MAP3K5: variants seen among roughly 807,000 people sequenced by gnomAD.
MAP3K5 encodes mitogen-activated protein kinase kinase kinase 5, also known as ASK-1.
Under a neutral mutation model 158.7 loss-of-function variants are expected in MAP3K5, and 56 were observed. The observed-to-expected ratio is 0.35, with a 90% CI of 0.28 to 0.44. The LOEUF is 0.44. Among genes scored for constraint, MAP3K5 ranks in the 20% least tolerant of loss-of-function variants. The pLI, the probability that MAP3K5 is intolerant of heterozygous loss-of-function variation, is 1.00. For synonymous variants in MAP3K5, 579 were observed against 601.7 expected (o/e 0.96, Z 0.55); for missense variants, 1,294 against 1,674.8 (o/e 0.77, Z 3.97).
chr6:136,652,975 T>C (rs1247326445), intron 10 of MAP3K5, among the ~76,000 whole-genome samples: 1 of 152,258 alleles, frequency 6.6e-6, no homozygotes, highest in Non-Finnish European at 1.5e-5. Context: ...TGAGTTTATA[T>C]ATTCTTGCTT....
intron 15 of MAP3K5, among the ~76,000 whole-genome samples, chr6:136,615,510 A>G (rs1776523817): frequency 6.6e-6 from 1 of 152,146 alleles, no homozygotes; most frequent in South Asian, 2.1e-4. Context: ...CTGATTTTTC[A>G]GAAGGTCAGA....
intron 2 of MAP3K5, among the ~76,000 whole-genome samples, chr6:136,716,079 G>GTATC (rs1281436954): frequency 7.9e-6 from 1 of 127,092 alleles, no homozygotes; most frequent in African/African-American, 2.9e-5. Flanking sequence ...ACAGCTGAAG[G>GTATC]TATCTATTAA....
At position 136,561,558 on chromosome 6, in the gene MAP3K5, C is replaced by G. The variant is rs1342321301; in HGVS notation, c.3962G>C (p.Gly1321Ala). 6.2e-7 allele frequency: 1 copy of G among 1,613,186 alleles called. No individual in the cohort carries two copies. Among genetic ancestry groups the G allele is most frequent in the Non-Finnish European group, 8.5e-7 (1 of 1,179,240 alleles). Residue 1321 changes from glycine to alanine, a missense_variant, in exon 28 of 30, where the codon GGA (glycine) becomes GCA (alanine). Gly to Ala is a moderately conservative substitution (Grantham distance 60). Around this residue, in one of 5 missense-constraint regions of MAP3K5, gnomAD observed 199 missense variants for 220.3 expected, o/e 0.90. Coordinates refer to ENST00000359015, the MANE Select transcript of MAP3K5 (RefSeq NM_005923.4). ...SELTDWLRVN[G>A]ADEDTISRFL... ...CCGGCTTATAGTGTCTTCATCAGCT[C>G]CATTCACTCTCAGCCAGTCGGTAAG...
chr6:136,559,211 G>A (rs574824037), intron 28 of MAP3K5, among the ~76,000 whole-genome samples: 1 of 152,262 alleles, frequency 6.6e-6, no homozygotes, highest in South Asian at 2.1e-4. Context: ...AATTAGCTGG[G>A]CGTGGTGGCG....
chr6:136,699,920 C>G (rs1053599927), intron 3 of MAP3K5, among the ~76,000 whole-genome samples: 6 of 152,072 alleles, frequency 3.9e-5, no homozygotes, highest in East Asian at 1.9e-4. Context: ...ATGGTGAAAC[C>G]CCGTCTCTAC....
chr6:136,785,382 G>T (rs539460215), intron 1 of MAP3K5, among the ~76,000 whole-genome samples: 1 of 152,194 alleles, frequency 6.6e-6, no homozygotes, highest in Non-Finnish European at 1.5e-5. Context: ...TAACTAGCAT[G>T]TGCTTCCTTC....
intron 11 of MAP3K5, among the ~76,000 whole-genome samples, chr6:136,644,442 C>A (rs993374960): frequency 6.6e-6 from 1 of 152,162 alleles, no homozygotes; most frequent in African/African-American, 2.4e-5. Context: ...ATAATTAGCC[C>A]CAACAGGCCT....
At chr6:136,588,227 C>CT (rs1775224274) in intron 23 of MAP3K5, among the ~76,000 whole-genome samples, 2 of 152,284 alleles carry the variant, frequency 1.3e-5, no homozygotes, top group South Asian at 4.1e-4. Context: ...CACCATCGGG[C>CT]CTACCAGCGA....
At position 136,557,644 on chromosome 6, in the gene MAP3K5, T is replaced by A; in HGVS notation, c.*114A>T. Reference sequence around the variant, plus strand: ...TTTTTTTTTAACATGAGTAAACAAATACTGGATTTAAAGTGCAGCGCCTTT... The same window carrying A: ...TTTTTTTTTAACATGAGTAAACAAAAACTGGATTTAAAGTGCAGCGCCTTT... On this transcript the variant is annotated 3_prime_UTR_variant, in exon 30 of 30. Coordinates refer to ENST00000359015, the MANE Select transcript of MAP3K5 (RefSeq NM_005923.4). 1.6e-6 allele frequency: 1 copy of A among 620,236 alleles called. No individual in the cohort carries two copies. Among genetic ancestry groups the A allele is most frequent in the Non-Finnish European group, 2.9e-6 (1 of 350,342 alleles). The allele number at this position is 620,236 out of a possible 1,614,324, so 38.4% of individuals were successfully genotyped here. A position where few individuals can be genotyped will look rare whatever the true frequency, so the allele number is the denominator to read the frequency against.
chr6:136,596,982 G>C (rs149481968), intron 21 of MAP3K5, among the ~76,000 whole-genome samples: 97 of 152,302 alleles, frequency 6.4e-4, no homozygotes, highest in African/African-American at 2.3e-3. Context: ...GGCTGCAAGA[G>C]AGGAGCCTGG....
intron 1 of MAP3K5, among the ~76,000 whole-genome samples, chr6:136,744,011 G>A (rs1582626520): frequency 1.3e-5 from 2 of 152,320 alleles, no homozygotes; most frequent in African/African-American, 4.8e-5. Context: ...GGGTTGTGAG[G>A]AGGGATGAAT....
At chr6:136,635,752 G>C (rs1215317701) in intron 14 of MAP3K5, among the ~76,000 whole-genome samples, 1 of 113,388 alleles carries the variant, frequency 8.8e-6, no homozygotes. Flanking sequence ...AAAAAAAAAA[G>C]TTAGCCAGGT....
Position 136,694,164 on chromosome 6 carries a change from TC to T in MAP3K5, c.1228del (p.Glu410LysfsTer48). ...CCAAGAAGCTCCATGGTCTCTGCTTTCAGTGTCCGTGAAATTAGAGTCCAAA... is the reference window on the plus strand; with the variant it reads ...CCAAGAAGCTCCATGGTCTCTGCTTTAGTGTCCGTGAAATTAGAGTCCAAA... ...MFLDSNFTDTESRDHGASWFK... is the reference protein window; with the variant it reads ...MFLDSNFTDTXSRDHGASWFK... On this transcript the variant is annotated frameshift_variant, in exon 7 of 30. Transcript: ENST00000359015. LOFTEE classifies it high-confidence loss of function. 6.2e-7 allele frequency: 1 copy of T among 1,613,558 alleles called. No individual in the cohort carries two copies. Among genetic ancestry groups the T allele is most frequent in the Non-Finnish European group, 8.5e-7 (1 of 1,179,820 alleles).
chr6:136,770,810 C>G (rs941928157), intron 1 of MAP3K5, among the ~76,000 whole-genome samples: 1 of 151,950 alleles, frequency 6.6e-6, no homozygotes, highest in African/African-American at 2.4e-5. Context: ...ATGTATGAAG[C>G]AAGAATCTGC....
chr6:136,764,234 A>AC (rs1453313143), intron 1 of MAP3K5, among the ~76,000 whole-genome samples: 1 of 151,496 alleles, frequency 6.6e-6, no homozygotes, highest in African/African-American at 2.4e-5. Context: ...CCATTCAGTT[A>AC]CCCCCCTTCC....
At chr6:136,559,946 A>G (rs1325127661) in intron 28 of MAP3K5, among the ~76,000 whole-genome samples, 1 of 152,160 alleles carries the variant, frequency 6.6e-6, no homozygotes, top group East Asian at 1.9e-4. Flanking sequence ...GGAGTTGTTT[A>G]AATTTATTCA....
chr6:136,732,922 T>C (rs1029981570), intron 1 of MAP3K5, among the ~76,000 whole-genome samples: 1 of 152,148 alleles, frequency 6.6e-6, no homozygotes, highest in Non-Finnish European at 1.5e-5. Flanking sequence ...TAAATAGACA[T>C]TAAAATCCCA....
At chr6:136,746,083 G>C (rs1782944542) in intron 1 of MAP3K5, among the ~76,000 whole-genome samples, 1 of 152,176 alleles carries the variant, frequency 6.6e-6, no homozygotes, top group African/African-American at 2.4e-5. Context: ...TTTGAACTAG[G>C]ATGGTGGCAG....
At chr6:136,681,791 C>T (rs924348278) in intron 7 of MAP3K5, among the ~76,000 whole-genome samples, 5 of 152,018 alleles carry the variant, frequency 3.3e-5, no homozygotes, top group African/African-American at 7.2e-5. Flanking sequence ...TGGTGGCGGG[C>T]GCCTGTAGTC....
Sources: gnomAD v4.1 joint callset for allele counts (sites outside exome capture counted in the v4.1 genomes callset) on GRCh38, gnomAD v4.1.1 for gene constraint, gnomAD v4.1.1 regional missense constraint, MANE v1.5 for transcripts, NCBI Gene and HGNC (gene_info 2026-07-23, HGNC 2026-07-21) for gene names.